The following CTNNA3 variants were observed in gnomAD, a reference collection of about 807,000 sequenced individuals.
The protein encoded by CTNNA3 is catenin alpha 3, also known as catenin alpha-3.
In CTNNA3, 76 loss-of-function variants were observed where a neutral mutation model predicts 95.7. The ratio of observed to expected loss-of-function variants is 0.79; its 90% CI spans 0.66 to 0.96. The LOEUF is 0.96. Ranked by LOEUF, CTNNA3 falls within the 40% of genes least tolerant of loss-of-function variation. The probability of loss-of-function intolerance (pLI) is 0.00; values close to 1 mark genes in which losing one functional copy is unlikely to be tolerated. For synonymous variants in CTNNA3, 431 were observed against 374.4 expected, an observed-to-expected ratio of 1.15 and a Z score of -1.74; for missense variants, 1,191 against 1,089.8, an observed-to-expected ratio of 1.09 and a Z score of -1.31.
chr10:66,883,679 A>G (rs1844929956), intron 7 of CTNNA3, among the ~76,000 whole-genome samples: 1 of 152,170 alleles, frequency 6.6e-6, no homozygotes, highest in Non-Finnish European at 1.5e-5. Flanking sequence ...TGGCAGAGCT[A>G]GGATATAAAA....
chr10:66,881,043 C>T (rs1050682831), intron 7 of CTNNA3, among the ~76,000 whole-genome samples: 36 of 152,108 alleles, frequency 2.4e-4, no homozygotes, highest in African/African-American at 7.7e-4. Context: ...TCACACTCTA[C>T]GTCAGCTGTC....
chr10:67,133,434 G>C (rs762832386), intron 7 of CTNNA3, among the ~76,000 whole-genome samples: 4 of 150,018 alleles, frequency 2.7e-5, no homozygotes, highest in Non-Finnish European at 5.9e-5. Context: ...AACAATAGTA[G>C]AGAAACACAG....
chr10:66,054,689 A>T (rs1426289515), intron 15 of CTNNA3, among the ~76,000 whole-genome samples: 2 of 151,982 alleles, frequency 1.3e-5, no homozygotes, highest in Non-Finnish European at 2.9e-5. Context: ...CACTTTGTTG[A>T]TGATTTCCTT....
At chr10:66,001,004 T>G (rs1258550928) in intron 15 of CTNNA3, among the ~76,000 whole-genome samples, 1 of 152,154 alleles carries the variant, frequency 6.6e-6, no homozygotes, top group African/African-American at 2.4e-5. Flanking sequence ...TTACCATGAA[T>G]GCAACAGATT....
chr10:66,541,711 G>C (rs1347799011), intron 10 of CTNNA3, among the ~76,000 whole-genome samples: 1 of 152,058 alleles, frequency 6.6e-6, no homozygotes, highest in African/African-American at 2.4e-5. Context: ...TAAACTCTTA[G>C]ATTGTGAAAC....
intron 12 of CTNNA3, among the ~76,000 whole-genome samples, chr10:66,346,159 T>A (rs797016613): frequency 1.1e-4 from 16 of 148,888 alleles, no homozygotes; most frequent in Admixed American, 9.4e-4. Context: ...GAATACATCC[T>A]CCAATTTGTT....
At chr10:67,129,563 A>G (rs773524397) in intron 7 of CTNNA3, among the ~76,000 whole-genome samples, 5 of 152,166 alleles carry the variant, frequency 3.3e-5, no homozygotes, top group Non-Finnish European at 5.9e-5. Context: ...AATGCATACA[A>G]TAATGACACA....
At chr10:66,055,346 T>A (rs1043874204) in intron 15 of CTNNA3, among the ~76,000 whole-genome samples, 3 of 152,222 alleles carry the variant, frequency 2.0e-5, no homozygotes, top group Admixed American at 6.5e-5. Flanking sequence ...ATTCTTCTCA[T>A]CCATGAACAT....
intron 6 of CTNNA3, among the ~76,000 whole-genome samples, chr10:67,214,744 T>G (rs1209194540): frequency 1.3e-5 from 2 of 152,022 alleles, no homozygotes; most frequent in Non-Finnish European, 2.9e-5. Flanking sequence ...AACAGTTATT[T>G]TCTCTGAGAA....
chr10:66,854,493 G>C (rs949715956), intron 7 of CTNNA3, among the ~76,000 whole-genome samples: 2 of 151,782 alleles, frequency 1.3e-5, no homozygotes, highest in African/African-American at 4.8e-5. Context: ...ATAACGGTGA[G>C]GTAAAAAATG....
intron 11 of CTNNA3, among the ~76,000 whole-genome samples, chr10:66,465,737 A>T (rs1237571620): frequency 6.6e-6 from 1 of 152,104 alleles, no homozygotes; most frequent in Non-Finnish European, 1.5e-5. Context: ...GGATACTCAG[A>T]ACATCACTGG....
At chr10:67,119,746 T>C (rs1443554506) in intron 7 of CTNNA3, among the ~76,000 whole-genome samples, 1 of 151,934 alleles carries the variant, frequency 6.6e-6, no homozygotes, top group Non-Finnish European at 1.5e-5. Context: ...CTATCAATCA[T>C]GCTGGTATTT....
At chr10:67,638,314 C>G (rs1454350059) in intron 2 of CTNNA3, among the ~76,000 whole-genome samples, 1 of 152,134 alleles carries the variant, frequency 6.6e-6, no homozygotes, top group Non-Finnish European at 1.5e-5. Context: ...GAAGAGCTTT[C>G]TAAATATATA....
intron 7 of CTNNA3, among the ~76,000 whole-genome samples, chr10:66,913,238 C>CAAAAAAAAAAAAAAAAAA (rs1161880781): frequency 6.0e-4 from 20 of 33,534 alleles, no homozygotes; most frequent in African/African-American, 1.5e-3. Context: ...GACTCCGTCT[C>CAAAAAAAAAAAAAAAAAA]AAAAAAAAAA....
intron 12 of CTNNA3, among the ~76,000 whole-genome samples, chr10:66,316,722 T>C (rs1257134923): frequency 6.6e-6 from 1 of 152,126 alleles, no homozygotes; most frequent in Non-Finnish European, 1.5e-5. Flanking sequence ...TCTCCCCCTA[T>C]CATTGTTTAT....
intron 5 of CTNNA3, among the ~76,000 whole-genome samples, chr10:67,286,519 A>C (rs2132455883): frequency 6.6e-6 from 1 of 152,376 alleles, no homozygotes; most frequent in East Asian, 1.9e-4. Context: ...CATGTAAAGC[A>C]CTTAGCTAAA....
chr10:66,816,031 C>T (rs564713278), intron 7 of CTNNA3, among the ~76,000 whole-genome samples: 40 of 152,198 alleles, frequency 2.6e-4, no homozygotes, highest in Non-Finnish European at 3.8e-4. Context: ...ACTACCAATT[C>T]GTGTTGACGG....
intron 12 of CTNNA3, among the ~76,000 whole-genome samples, chr10:66,329,754 G>T (rs1367721496): frequency 1.3e-5 from 2 of 151,880 alleles, no homozygotes; most frequent in Non-Finnish European, 2.9e-5. Flanking sequence ...TACTTGAATA[G>T]TTTCTAGTGT....
rs193069611 is a variant in CTNNA3 at position 66,752,606 on chromosome 10, C to T, written c.1281+13658G>A. ...GATTTCATTGAAATTAAATGTTCTG[C>T]CATGGACAAGATACTCTGAAGAGAT... On this transcript the variant is annotated intron_variant, in intron 9 of 17. Coordinates refer to ENST00000433211, the MANE Select transcript of CTNNA3 (RefSeq NM_013266.4). 5.3e-3 allele frequency among the ~76,000 whole-genome samples: 803 copies of T among 151,994 alleles called. 2 individuals carry two copies. The highest frequency in any genetic ancestry group is 0.015 in the Admixed American group (229 of 15,260).
Sources: allele counts gnomAD v4.1 joint callset (sites outside exome capture counted in the v4.1 genomes callset), GRCh38; gene constraint gnomAD v4.1.1; transcripts MANE v1.5; gene names NCBI Gene and HGNC (gene_info 2026-07-23, HGNC 2026-07-21).